INPP4B: variants seen among roughly 807,000 people sequenced by gnomAD.
INPP4B encodes inositol polyphosphate-4-phosphatase type II B.
In INPP4B, 55 loss-of-function variants were observed where a neutral mutation model predicts 122.5. The ratio of observed to expected loss-of-function variants is 0.45; its 90% CI spans 0.36 to 0.56. The LOEUF (loss-of-function observed/expected upper bound fraction) is 0.56, where lower values mean the gene tolerates loss of function less well. Among genes scored for constraint, INPP4B ranks in the 20% least tolerant of loss-of-function variants. INPP4B has a pLI of 0.00. For synonymous variants in INPP4B, 403 were observed against 388.7 expected (o/e 1.04, Z -0.43); for missense variants, 1,000 against 1,097.7 (o/e 0.91, Z 1.26).
At chr4:142,266,140 T>A (rs1231716118) in intron 10 of INPP4B, among the ~76,000 whole-genome samples, 1 of 152,154 alleles carries the variant, frequency 6.6e-6, no homozygotes, top group Non-Finnish European at 1.5e-5. Context: ...GAATCCTCCT[T>A]CCTTGATCTT....
At chr4:142,589,809 A>G (rs1737035662) in intron 2 of INPP4B, among the ~76,000 whole-genome samples, 2 of 152,166 alleles carry the variant, frequency 1.3e-5, no homozygotes, top group African/African-American at 4.8e-5. Context: ...ACGTTTACCT[A>G]GAAACTACAT....
intron 7 of INPP4B, among the ~76,000 whole-genome samples, chr4:142,363,673 A>C (rs1026576216): frequency 5.9e-5 from 9 of 152,068 alleles, no homozygotes; most frequent in Admixed American, 5.9e-4. Flanking sequence ...CTTCTTTTAC[A>C]TTTAGAAGAG....
intron 7 of INPP4B, among the ~76,000 whole-genome samples, chr4:142,317,042 A>G (rs1421551962): frequency 6.6e-6 from 1 of 152,232 alleles, no homozygotes; most frequent in Non-Finnish European, 1.5e-5. Flanking sequence ...GGCATTTAGA[A>G]TGAAGAATAA....
At chr4:142,777,884 C>T (rs1453723059) in intron 1 of INPP4B, among the ~76,000 whole-genome samples, 1 of 151,854 alleles carries the variant, frequency 6.6e-6, no homozygotes, top group African/African-American at 2.4e-5. Context: ...CACAGCCTAC[C>T]AGCAGGATTG....
intron 2 of INPP4B, among the ~76,000 whole-genome samples, chr4:142,602,237 A>G (rs1186708255): frequency 6.6e-6 from 1 of 152,068 alleles, no homozygotes; most frequent in East Asian, 1.9e-4. Context: ...CACAATTGCT[A>G]CTAAAATGAT....
At chr4:142,357,971 T>C (rs1354002347) in intron 7 of INPP4B, among the ~76,000 whole-genome samples, 1 of 152,030 alleles carries the variant, frequency 6.6e-6, no homozygotes, top group African/African-American at 2.4e-5. Context: ...GATATGTTTC[T>C]TTACATCTTC....
At chr4:142,184,483 C>A (rs752311503) in intron 15 of INPP4B, among the ~76,000 whole-genome samples, 1 of 152,166 alleles carries the variant, frequency 6.6e-6, no homozygotes, top group Admixed American at 6.5e-5. Flanking sequence ...CTACCTAATT[C>A]TATCACACTG....
At chr4:142,476,028 C>A (rs550244000) in intron 2 of INPP4B, among the ~76,000 whole-genome samples, 1 of 152,050 alleles carries the variant, frequency 6.6e-6, no homozygotes, top group East Asian at 1.9e-4. Flanking sequence ...AGACCATCCC[C>A]AAGACATAAT....
chr4:142,624,636 A>G (rs967483424), intron 2 of INPP4B, among the ~76,000 whole-genome samples: 5 of 152,164 alleles, frequency 3.3e-5, no homozygotes, highest in Admixed American at 2.6e-4. Flanking sequence ...TTATGAGGCC[A>G]GCATCATCCT....
intron 2 of INPP4B, among the ~76,000 whole-genome samples, chr4:142,657,885 T>C (rs1287325503): frequency 1.3e-5 from 2 of 152,190 alleles, no homozygotes; most frequent in African/African-American, 2.4e-5. Flanking sequence ...AGTTTCAAAA[T>C]TGTCTTTTTT....
chr4:142,600,812 A>G (rs780682880), intron 2 of INPP4B, among the ~76,000 whole-genome samples: 1 of 152,174 alleles, frequency 6.6e-6, no homozygotes, highest in Non-Finnish European at 1.5e-5. Context: ...TATTTTACCA[A>G]TAGAGGCACA....
intron 1 of INPP4B, among the ~76,000 whole-genome samples, chr4:142,804,086 TAA>T (rs1444615101): frequency 5.3e-4 from 80 of 151,016 alleles, no homozygotes; most frequent in African/African-American, 1.8e-3. Flanking sequence ...AATAAATAAA[TAA>T]ATAAATAAAT....
intron 2 of INPP4B, among the ~76,000 whole-genome samples, chr4:142,626,798 ATAAGT>A (rs1410646607): frequency 2.0e-5 from 3 of 152,118 alleles, no homozygotes; most frequent in Non-Finnish European, 4.4e-5. Flanking sequence ...AAATGGCAGA[ATAAGT>A]TAATTGTTCT....
chr4:142,670,276 C>A (rs1233185269), intron 2 of INPP4B, among the ~76,000 whole-genome samples: 4 of 152,106 alleles, frequency 2.6e-5, no homozygotes. Flanking sequence ...TATGATCCAG[C>A]AACCCCACTT....
chr4:142,573,366 T>C (rs140508794), intron 2 of INPP4B, among the ~76,000 whole-genome samples: 1 of 152,222 alleles, frequency 6.6e-6, no homozygotes, highest in African/African-American at 2.4e-5. Flanking sequence ...GTTCCTTCTC[T>C]TCCATACTCA....
intron 14 of INPP4B, 79 bp from the exon 15 acceptor site, chr4:142,193,274 A>G (rs2149360843): frequency 1.3e-6 from 1 of 755,014 alleles, no homozygotes. Flanking sequence ...AAGCATACCT[A>G]TTGTAGGAAG....
chr4:142,439,006 G>A (rs930037040), intron 3 of INPP4B, among the ~76,000 whole-genome samples: 1 of 152,048 alleles, frequency 6.6e-6, no homozygotes, highest in African/African-American at 2.4e-5. Context: ...GCACACTGTG[G>A]GACCATGGGG....
At chr4:142,112,875 C>CGT (rs1790936488) in intron 21 of INPP4B, among the ~76,000 whole-genome samples, 193 bp from the exon 22 acceptor site, 1 of 152,052 alleles carries the variant, frequency 6.6e-6, no homozygotes, top group Non-Finnish European at 1.5e-5. Flanking sequence ...AATTCATTTA[C>CGT]GTGTGTGATT....
intron 2 of INPP4B, among the ~76,000 whole-genome samples, chr4:142,489,887 A>G (rs1026247261): frequency 6.6e-6 from 1 of 152,158 alleles, no homozygotes; most frequent in Non-Finnish European, 1.5e-5. Context: ...TCAGGTAATA[A>G]TCCTTATCTC....
Sources: gnomAD v4.1 joint callset for allele counts (sites outside exome capture counted in the v4.1 genomes callset) on GRCh38, gnomAD v4.1.1 for gene constraint, MANE v1.5 for transcripts, NCBI Gene and HGNC (gene_info 2026-07-23, HGNC 2026-07-21) for gene names.